The following PTPN12 variants were observed in gnomAD, a reference collection of about 807,000 sequenced individuals.
PTPN12 encodes the protein tyrosine-protein phosphatase non-receptor type 12.
Under a neutral mutation model 97.6 loss-of-function variants are expected in PTPN12, and 29 were observed. The observed-to-expected ratio is 0.30, with a 90% confidence interval of 0.22 to 0.41. The LOEUF (loss-of-function observed/expected upper bound fraction) is 0.41. PTPN12 is among the 10% of genes least tolerant of loss of function. The probability of loss-of-function intolerance (pLI) is 1.00; values close to 1 mark genes in which losing one functional copy is unlikely to be tolerated. For missense variants in PTPN12, 819 were observed against 926.0 expected, an observed-to-expected ratio of 0.88 and a Z score of 1.50; for synonymous variants, 327 against 300.4, an observed-to-expected ratio of 1.09 and a Z score of -0.91.
chr7:77,590,136 C>T (rs2151342582), intron 5 of PTPN12, among the ~76,000 whole-genome samples: 2 of 152,276 alleles, frequency 1.3e-5, no homozygotes, highest in Middle Eastern at 3.4e-3. Flanking sequence ...CTTCAGTTTC[C>T]TCACATTTGA....
chr7:77,582,143 G>A (rs1448211913), intron 3 of PTPN12, among the ~76,000 whole-genome samples: 2 of 121,380 alleles, frequency 1.6e-5, no homozygotes, highest in Non-Finnish European at 3.2e-5. Flanking sequence ...CTCCCAGTCT[G>A]GAGTGCAGTG....
chr7:77,609,720 A>C (rs1788499126), intron 9 of PTPN12, among the ~76,000 whole-genome samples: 1 of 144,380 alleles, frequency 6.9e-6, no homozygotes, highest in Non-Finnish European at 1.5e-5. Flanking sequence ...CTCTACTAAA[A>C]ATATAAAAAA....
chr7:77,607,227 A>G lies in PTPN12; in HGVS notation c.696-8A>G. ...AAATCAATTGTTTTTCAAACTTTATATCCTTAGTGCAGGCTGTGGAAGAAC... is the reference window on the plus strand; with the variant it reads ...AAATCAATTGTTTTTCAAACTTTATGTCCTTAGTGCAGGCTGTGGAAGAAC... On this transcript the variant is annotated splice_polypyrimidine_tract_variant and splice_region_variant and intron_variant, in intron 8 of 17. Transcript: ENST00000248594. 7.0e-6 allele frequency: 11 copies of G among 1,581,004 alleles called. No individual in the cohort carries two copies. The highest frequency in any genetic ancestry group is 9.4e-6 in the Non-Finnish European group (11 of 1,164,496).
At chr7:77,607,085 C>T (rs1478104787) in intron 8 of PTPN12, 150 bp from the exon 9 acceptor site, 2 of 579,402 alleles carry the variant, frequency 3.5e-6, no homozygotes, top group South Asian at 2.2e-5. Context: ...CATGAACACA[C>T]TGTAAGTTGT....
chr7:77,622,108 C>T (rs1339225364), intron 12 of PTPN12, among the ~76,000 whole-genome samples: 2 of 152,190 alleles, frequency 1.3e-5, no homozygotes, highest in African/African-American at 4.8e-5. Context: ...ACACACACCA[C>T]CATGCCTGGC....
intron 11 of PTPN12, among the ~76,000 whole-genome samples, chr7:77,617,148 C>A (rs139467524): frequency 1.3e-5 from 2 of 152,046 alleles, no homozygotes; most frequent in African/African-American, 4.8e-5. Context: ...GAAACTTTGG[C>A]GACCAAAAGT....
At chr7:77,572,155 TG>T (rs1787165916) in intron 2 of PTPN12, among the ~76,000 whole-genome samples, 2 of 150,450 alleles carry the variant, frequency 1.3e-5, no homozygotes. Context: ...AGTGCGGTGG[TG>T]GGATCTTGGC....
chr7:77,592,255 G>C lies in PTPN12; in HGVS notation c.491G>C (p.Cys164Ser). The change falls in exon 6 of 18, where the codon TGT (cysteine) becomes TCT (serine). Residue 164 changes from cysteine (C) to serine (S), a missense_variant and splice_region_variant. This residue lies in a region of PTPN12 where 45 missense variants were observed against 52.0 expected (regional missense o/e 0.87). Transcript: ENST00000248594. ...ACGTTTGCACCATTTAAAATTTCTT[G>C]TGTAAGTATCCATTTTTGTAAACAC... is the stretch of plus-strand genomic sequence containing the variant. The part of the protein sequence containing the change: ...PITFAPFKIS[C>S]EDEQARTDYF... 1 of 1,605,736 alleles carries C rather than the reference G, an allele frequency of 6.2e-7. No individual in the cohort carries two copies. The highest frequency in any genetic ancestry group is 8.5e-7 in the Non-Finnish European group (1 of 1,176,838).
chr7:77,637,175 T>C lies in PTPN12; in HGVS notation c.2173+127T>C, dbSNP rs182110047. 3,920 of 710,586 alleles carry C rather than the reference T, an allele frequency of 5.5e-3. 21 individuals carry two copies. Among genetic ancestry groups the C allele is most frequent in the Non-Finnish European group, 6.0e-3 (2,613 of 432,494 alleles). 44.0% of individuals were successfully genotyped at this position (710,586 alleles called of 1,614,324 possible). A position where few individuals can be genotyped will look rare whatever the true frequency, so the allele number is the denominator to read the frequency against. ...ATGTGAAAATGTCTAGGACAACTCTTGTAGAAGCTTAATATTGTACTATAA... is the reference window on the plus strand; with the variant it reads ...ATGTGAAAATGTCTAGGACAACTCTCGTAGAAGCTTAATATTGTACTATAA... On this transcript the variant is annotated intron_variant, in intron 16 of 17. Coordinates refer to ENST00000248594, the MANE Select transcript of PTPN12 (RefSeq NM_002835.4).
intron 9 of PTPN12, among the ~76,000 whole-genome samples, chr7:77,607,859 T>C (rs1436385367): frequency 6.6e-6 from 1 of 151,946 alleles, no homozygotes; most frequent in Non-Finnish European, 1.5e-5. Context: ...GTTGAAGCCA[T>C]TCTCCTGCTT....
chr7:77,586,921 A>C lies in PTPN12; in HGVS notation c.420+1340A>C, dbSNP rs532516113. Among the ~76,000 whole-genome samples the C allele has an allele frequency of 4.1e-4, 62 of 152,314 alleles. No individual in the cohort carries two copies. In the South Asian group the frequency reaches 0.012, roughly 30 times the overall value. On this transcript the variant is annotated intron_variant, in intron 5 of 17. Transcript: ENST00000248594. ...CTCCTCATCCATTCCAGGTTTTATC[A>C]TGAGATTGTGGCAATTCATTTCCAT...
intron 7 of PTPN12, among the ~76,000 whole-genome samples, chr7:77,599,498 C>T (rs1431977580): frequency 5.3e-5 from 8 of 152,078 alleles, no homozygotes; most frequent in African/African-American, 1.7e-4. Context: ...CCATGTTGCT[C>T]AGGCTGCTGT....
chr7:77,599,703 C>G (rs528805483), intron 7 of PTPN12, among the ~76,000 whole-genome samples: 8 of 152,070 alleles, frequency 5.3e-5, no homozygotes, highest in African/African-American at 1.9e-4. Context: ...GATACTGTTA[C>G]GTCTGTTGCA....
intron 11 of PTPN12, among the ~76,000 whole-genome samples, chr7:77,612,913 A>G (rs1788618343): frequency 1.3e-5 from 2 of 151,356 alleles, no homozygotes; most frequent in Admixed American, 6.6e-5. Context: ...CTGGGATTAC[A>G]GGCATGTATC....
chr7:77,577,885 C>T (rs1001070212), intron 2 of PTPN12, among the ~76,000 whole-genome samples: 1 of 151,926 alleles, frequency 6.6e-6, no homozygotes, highest in Admixed American at 6.6e-5. Context: ...TTTGCTTTCC[C>T]CAGCTGTTGA....
chr7:77,614,312 A>G (rs1788678030), intron 11 of PTPN12, among the ~76,000 whole-genome samples: 1 of 152,192 alleles, frequency 6.6e-6, no homozygotes, highest in African/African-American at 2.4e-5. Context: ...GTTTTATTCC[A>G]TTGAATCAAT....
At chr7:77,597,136 T>C (rs1788047617) in intron 6 of PTPN12, among the ~76,000 whole-genome samples, 1 of 152,162 alleles carries the variant, frequency 6.6e-6, no homozygotes, top group East Asian at 1.9e-4. Context: ...TTTGTTTGTT[T>C]GTTTTGAGAC....
At chr7:77,628,975 G>C (rs754351413) in intron 13 of PTPN12, among the ~76,000 whole-genome samples, 8 of 152,118 alleles carry the variant, frequency 5.3e-5, no homozygotes. Flanking sequence ...TTGAGACAGA[G>C]TTTTGCTCTT....
In PTPN12 at chr7:77,639,320, T is replaced by C. The variant is rs775865352; in HGVS notation, c.*40T>C. 1.0e-5 allele frequency: 16 copies of C among 1,532,578 alleles called. No individual in the cohort carries two copies. Among genetic ancestry groups the C allele is most frequent in the Non-Finnish European group, 1.4e-5 (16 of 1,111,176 alleles). The allele number at this position is 1,532,578 out of a possible 1,614,324, so 94.9% of individuals were successfully genotyped here. ...AGACACTTTAAGTTATACTGGAAAA[T>C]TCAGGTGCCACTGAAAGCCAGATTT... is the stretch of plus-strand genomic sequence containing the variant. On this transcript the variant is annotated 3_prime_UTR_variant, in exon 18 of 18. Transcript: ENST00000248594.
Sources: allele counts gnomAD v4.1 joint callset (sites outside exome capture counted in the v4.1 genomes callset), GRCh38; gene constraint gnomAD v4.1.1; regional missense constraint gnomAD v4.1.1; transcripts MANE v1.5; gene names NCBI Gene and HGNC (gene_info 2026-07-23, HGNC 2026-07-21).